The following MIDEAS variants were observed in gnomAD, a reference collection of about 807,000 sequenced individuals.
MIDEAS encodes mitotic deacetylase-associated SANT domain protein.
MIDEAS carries 26 observed loss-of-function variants against 102.7 expected under a neutral mutation model. The ratio of observed to expected loss-of-function variants is 0.25; its 90% CI spans 0.19 to 0.35. The LOEUF is 0.35. Ranked by LOEUF, MIDEAS falls within the 10% of genes least tolerant of loss-of-function variation. The pLI is 1.00. For missense variants in MIDEAS, 1,231 were observed against 1,435.6 expected (o/e 0.86, Z 2.30); for synonymous variants, 585 against 591.0 (o/e 0.99, Z 0.15).
chr14:73,716,526 C>T lies in MIDEAS; in HGVS notation c.*2317G>A, dbSNP rs1431294876. ...CCTGTCTCTACTAAAAAAAAAAATA[C>T]AAAAAGATTAGCTGGGTGTGGTGGT... On this transcript the variant is annotated 3_prime_UTR_variant, in exon 13 of 13. Transcript: ENST00000423556. 6.6e-6 allele frequency: 1 copy of T among 150,736 alleles called. No individual in the cohort carries two copies. Among genetic ancestry groups the T allele is most frequent in the Admixed American group, 6.6e-5 (1 of 15,164 alleles). The allele number at this position is 150,736 out of a possible 1,614,324, so 9.3% of individuals were successfully genotyped here. A position where few individuals can be genotyped will look rare whatever the true frequency, so the allele number is the denominator to read the frequency against.
intron 1 of MIDEAS, among the ~76,000 whole-genome samples, chr14:73,753,919 A>G (rs2053451542): frequency 6.7e-6 from 1 of 148,704 alleles, no homozygotes; most frequent in Admixed American, 6.7e-5. Context: ...TCCAGGCCCA[A>G]AGGATGAGCC....
chr14:73,729,931 G>A lies in MIDEAS; in HGVS notation c.1804C>T (p.Gln602Ter). ...EGEPSVRKPK[Q>*]RPRPEPLIIP... is the part of the protein sequence containing the mutation. ...ATGAGGGGCTCGGGCCTGGGCCGCT[G>A]CTTTGGTTTCCGCACGGAAGGCTCC... The change falls in exon 4 of 13, where the codon CAG (glutamine) becomes TAG (stop). Residue 602 changes from glutamine (Q) to a stop codon, truncating the protein, a stop_gained. Transcript: ENST00000423556. LOFTEE classifies it high-confidence loss of function. 6.2e-7 allele frequency: 1 copy of A among 1,606,512 alleles called. No homozygotes were observed. Among genetic ancestry groups the A allele is most frequent in the Non-Finnish European group, 8.5e-7 (1 of 1,174,604 alleles).
intron 11 of MIDEAS, among the ~76,000 whole-genome samples, chr14:73,719,771 T>G (rs2140092485): frequency 7.3e-6 from 1 of 137,652 alleles, no homozygotes; most frequent in South Asian, 2.6e-4. Flanking sequence ...TGACAGGGGA[T>G]CTTGGTCTCT....
upstream of MIDEAS, among the ~76,000 whole-genome samples, chr14:73,788,152 G>A (rs2053836217): frequency 7.0e-6 from 1 of 143,168 alleles, no homozygotes; most frequent in Non-Finnish European, 1.5e-5. Flanking sequence ...AGCCTTTGCT[G>A]GTGAAAAAAA....
At chr14:73,722,676 C>T (rs764431760) in intron 10 of MIDEAS, 22 bp downstream of exon 10, 1 of 1,612,096 alleles carries the variant, frequency 6.2e-7, no homozygotes, top group Non-Finnish European at 8.5e-7. Context: ...CTCTATGCAG[C>T]TGAGGTTGGA....
chr14:73,763,711 G>A (rs1033914353), upstream of MIDEAS, among the ~76,000 whole-genome samples: 17 of 151,986 alleles, frequency 1.1e-4, no homozygotes, highest in African/African-American at 2.7e-4. Flanking sequence ...CCCTATTGTC[G>A]TTTCCCTCTA....
chr14:73,772,615 T>A (rs61374877), intron 1 of MIDEAS, among the ~76,000 whole-genome samples: 22,207 of 151,976 alleles, frequency 0.15, 2,657 homozygotes, highest in East Asian at 0.67. Context: ...TTTTAAGCAA[T>A]GTTGCTATAA....
chr14:73,783,674 C>T (rs923512279), intron 1 of MIDEAS, among the ~76,000 whole-genome samples: 7 of 152,106 alleles, frequency 4.6e-5, no homozygotes, highest in African/African-American at 1.2e-4. Flanking sequence ...GACAGAAAGT[C>T]GTAAAGCGTT....
intron 1 of MIDEAS, among the ~76,000 whole-genome samples, chr14:73,780,538 G>A (rs1234113912): frequency 6.6e-6 from 1 of 152,224 alleles, no homozygotes; most frequent in Non-Finnish European, 1.5e-5. Context: ...AGCTAGGCTT[G>A]AAGCCTCCTG....
Position 73,716,112 on chromosome 14 carries a change from A to C in MIDEAS, c.*2731T>G, listed in dbSNP as rs2052884425. 1 of 152,600 alleles carries C rather than the reference A, an allele frequency of 6.6e-6. No individual in the cohort carries two copies. The highest frequency in any genetic ancestry group is 1.5e-5 in the Non-Finnish European group (1 of 68,084). 9.5% of individuals were successfully genotyped at this position (152,600 alleles called of 1,614,324 possible). On this transcript the variant is annotated 3_prime_UTR_variant, in exon 13 of 13. Transcript: ENST00000423556. The stretch of plus-strand genomic sequence containing the variant: ...AGGAGCTCTGAATATAGGGGGAAAA[A>C]AACAACAAAAAGACAAGCCCAGGGA...
chr14:73,769,695 G>A (rs1170044080), intron 1 of MIDEAS, among the ~76,000 whole-genome samples: 7 of 151,966 alleles, frequency 4.6e-5, no homozygotes, highest in Non-Finnish European at 8.8e-5. Context: ...TCTGCCTCCC[G>A]GGTTCAAGCA....
chr14:73,782,980 G>C (rs2053769806), intron 1 of MIDEAS, among the ~76,000 whole-genome samples: 1 of 152,226 alleles, frequency 6.6e-6, no homozygotes, highest in South Asian at 2.1e-4. Context: ...GACGAAATCT[G>C]ATGGCCACTG....
rs371344668 is a variant in MIDEAS, at chr14:73,740,070, A to G, written c.-62T>C. On this transcript the variant is annotated 5_prime_UTR_variant, in exon 2 of 13. Transcript: ENST00000423556. ...TCAACAGTCGCCCATCCCCTGGGGAAACGTCCTGCTGGAAGCCGGGCTCTA... is the reference window on the plus strand; with the variant it reads ...TCAACAGTCGCCCATCCCCTGGGGAGACGTCCTGCTGGAAGCCGGGCTCTA... The G allele has an allele frequency of 7.0e-4, 985 of 1,417,066 alleles. 13 individuals carry two copies. The South Asian group carries it at 0.016, about 23-fold the overall frequency. The allele number at this position is 1,417,066 out of a possible 1,614,324, so 87.8% of individuals were successfully genotyped here.
intron 1 of MIDEAS, among the ~76,000 whole-genome samples, chr14:73,745,707 C>T (rs1003355094): frequency 6.6e-6 from 1 of 152,360 alleles, no homozygotes; most frequent in Non-Finnish European, 1.5e-5. Flanking sequence ...CATGCACCCC[C>T]ACCAACTGGG....
chr14:73,776,010 C>T (rs2053685127), intron 1 of MIDEAS, among the ~76,000 whole-genome samples: 1 of 151,986 alleles, frequency 6.6e-6, no homozygotes, highest in Non-Finnish European at 1.5e-5. Flanking sequence ...GGCGCCTCAA[C>T]TGTTCCACAA....
At chr14:73,780,194 T>C (rs778468916) in intron 1 of MIDEAS, among the ~76,000 whole-genome samples, 8 of 148,722 alleles carry the variant, frequency 5.4e-5, no homozygotes, top group Non-Finnish European at 1.1e-4. Context: ...TTATATTTCA[T>C]ATTACACACT....
At chr14:73,781,489 C>T (rs532715583) in intron 1 of MIDEAS, among the ~76,000 whole-genome samples, 1 of 152,014 alleles carries the variant, frequency 6.6e-6, no homozygotes, top group African/African-American at 2.4e-5. Flanking sequence ...AATCCCAGCA[C>T]TTTGGGAGGC....
At position 73,718,969 on chromosome 14, in the gene MIDEAS, C is replaced by G; in HGVS notation, c.3174G>C (p.Lys1058Asn). Residue 1058 changes from lysine to asparagine, a missense_variant, in exon 13 of 13, where the codon AAG becomes AAC. Physicochemically the swap from Lys to Asn is moderately conservative, Grantham distance 94 (BLOSUM62 0). Coordinates refer to ENST00000423556, the MANE Select transcript of MIDEAS (RefSeq NM_001367710.1). The part of the protein sequence containing the change: ...YKVKSRSAHM[K>N]SHAEQEKKAA... ...CCTTCTTCTCCTGCTCTGCGTGGCT[C>G]TTCATATGCGCACTGCGGCTCTTCA... 1 of 1,518,224 alleles carries G rather than the reference C, an allele frequency of 6.6e-7. No individual in the cohort carries two copies. The highest frequency in any genetic ancestry group is 8.8e-7 in the Non-Finnish European group (1 of 1,140,534). 94.0% of individuals were successfully genotyped at this position (1,518,224 alleles called of 1,614,324 possible). A position where few individuals can be genotyped will look rare whatever the true frequency, so the allele number is the denominator to read the frequency against.
intron 1 of MIDEAS, among the ~76,000 whole-genome samples, chr14:73,778,802 T>A (rs1297098457): frequency 6.6e-6 from 1 of 152,028 alleles, no homozygotes; most frequent in Non-Finnish European, 1.5e-5. Flanking sequence ...TCCTGGATGA[T>A]ATAACTGCAG....
Sources: gnomAD v4.1 joint callset for allele counts (sites outside exome capture counted in the v4.1 genomes callset) on GRCh38, gnomAD v4.1.1 for gene constraint, MANE v1.5 for transcripts, NCBI Gene and HGNC (gene_info 2026-07-23, HGNC 2026-07-21) for gene names.